Variants in MRPL54 observed in about 807,000 individuals in gnomAD.
MRPL54 encodes the protein large ribosomal subunit protein mL54.
MRPL54 carries 12 observed loss-of-function variants against 15.6 expected under a neutral mutation model. The observed-to-expected ratio is 0.77, with a 90% CI of 0.49 to 1.24. The LOEUF (loss-of-function observed/expected upper bound fraction) is 1.24. Among genes scored for constraint, MRPL54 ranks in the 50% most tolerant of loss-of-function variants. MRPL54 has a pLI of 0.00. For missense variants in MRPL54, 178 were observed against 186.8 expected (o/e 0.95, Z 0.28); for synonymous variants, 91 against 75.7 (o/e 1.20, Z -1.05).
chr19:3,764,796 A>C (rs2037181909), intron 1 of MRPL54, among the ~76,000 whole-genome samples: 1 of 151,684 alleles, frequency 6.6e-6, no homozygotes, highest in Non-Finnish European at 1.5e-5. Context: ...TGGGAGGCCA[A>C]GGTGGGCAGA....
At chr19:3,765,768 C>T (rs1339218850) in intron 2 of MRPL54, among the ~76,000 whole-genome samples, 4 of 151,556 alleles carry the variant, frequency 2.6e-5, no homozygotes, top group Non-Finnish European at 5.9e-5. Context: ...TGTGGTGGCA[C>T]ATTCCTGTAG....
intron 1 of MRPL54, among the ~76,000 whole-genome samples, chr19:3,764,057 C>T (rs1189558949): frequency 6.6e-6 from 1 of 152,070 alleles, no homozygotes; most frequent in Non-Finnish European, 1.5e-5. Flanking sequence ...TGTGCCCCTG[C>T]CCTCCAGCCT....
intron 2 of MRPL54, among the ~76,000 whole-genome samples, chr19:3,766,989 G>C (rs2037204082): frequency 6.6e-6 from 1 of 152,170 alleles, no homozygotes; most frequent in Non-Finnish European, 1.5e-5. Context: ...TGAGCAAGTG[G>C]GGGCAGGTGG....
In MRPL54 at chr19:3,765,334, G is replaced by C; in HGVS notation, c.284+3G>C. ...CCGGATGCTGAGTACCCTGAATGGT[G>C]AGTAGGCCAGGCTGTGTCATCCTGC... On this transcript the variant is annotated splice_donor_region_variant and intron_variant, in intron 2 of 2. Coordinates refer to ENST00000330133, the MANE Select transcript of MRPL54 (RefSeq NM_172251.3). The C allele has an allele frequency of 6.2e-7, 1 of 1,613,164 alleles. No homozygotes were observed. Among genetic ancestry groups the C allele is most frequent in the South Asian group, 1.1e-5 (1 of 90,958 alleles).
chr19:3,762,850 C>T (rs755874064), intron 1 of MRPL54, 32 bp downstream of exon 1: 43 of 1,492,846 alleles, frequency 2.9e-5, no homozygotes, highest in Non-Finnish European at 3.4e-5. Context: ...CAAATGGGGA[C>T]GGTGGGTGCA....
chr19:3,765,624 C>CGCCGT (rs992759124), intron 2 of MRPL54, among the ~76,000 whole-genome samples: 7 of 152,050 alleles, frequency 4.6e-5, no homozygotes, highest in Non-Finnish European at 8.8e-5. Flanking sequence ...TCAGGCTGGG[C>CGCCGT]GCCGTGGCTC....
At chr19:3,764,718 G>A (rs1206815313) in intron 1 of MRPL54, among the ~76,000 whole-genome samples, 1 of 150,560 alleles carries the variant, frequency 6.6e-6, no homozygotes, top group Non-Finnish European at 1.5e-5. Flanking sequence ...GCCTGGCTGA[G>A]ACCCTGTCTT....
intron 2 of MRPL54, among the ~76,000 whole-genome samples, chr19:3,766,518 A>G (rs2037199579): frequency 6.6e-6 from 1 of 152,220 alleles, no homozygotes; most frequent in African/African-American, 2.4e-5. Flanking sequence ...CCGTCCTGCA[A>G]ATACTTATTG....
At chr19:3,766,746 A>G (rs2037201638) in intron 2 of MRPL54, among the ~76,000 whole-genome samples, 1 of 152,200 alleles carries the variant, frequency 6.6e-6, no homozygotes, top group Admixed American at 6.5e-5. Context: ...GGGACACAGA[A>G]GCCAAGACGG....
In MRPL54 at chr19:3,766,110, CTT is replaced by C. The variant is rs2037196327; in HGVS notation, c.284+780_284+781del. Among the ~76,000 whole-genome samples the C allele has an allele frequency of 2.0e-5, 3 of 147,170 alleles. No homozygotes were observed. In the South Asian group the frequency reaches 6.5e-4, roughly 32 times the overall value. On this transcript the variant is annotated intron_variant, in intron 2 of 2. Coordinates refer to ENST00000330133, the MANE Select transcript of MRPL54 (RefSeq NM_172251.3). ...TTTTTTTTTGAGATGGAGTTTTGCT[CTT>C]GTCGCCCAGGCTGGAGTGCAGTGGT...
At chr19:3,765,928 T>G (rs1363110321) in intron 2 of MRPL54, among the ~76,000 whole-genome samples, 1 of 150,940 alleles carries the variant, frequency 6.6e-6, no homozygotes, top group Non-Finnish European at 1.5e-5. Context: ...TTTTTTTTCT[T>G]CTATATGGAG....
intron 1 of MRPL54, 76 bp downstream of exon 1, chr19:3,762,894 G>T (rs758958087): frequency 8.0e-6 from 10 of 1,255,160 alleles, no homozygotes; most frequent in Non-Finnish European, 1.1e-5. Context: ...CGGTGGTTGG[G>T]GAGGTGGTGC....
Position 3,767,334 on chromosome 19 carries a change from C to T in MRPL54, c.358C>T (p.Arg120Trp), listed in dbSNP as rs199621796. The change falls in exon 3 of 3, where the codon CGG becomes TGG. Residue 120 changes from arginine to tryptophan, a missense_variant. Arg to Trp is a moderately radical substitution (Grantham distance 101). Transcript: ENST00000330133. Reference sequence around the variant, plus strand: ...CCCCGAGAGCCGGGAGTACTGGCGGCGGCTGCGGAAACAGAACATCTGGCG... The same window carrying T: ...CCCCGAGAGCCGGGAGTACTGGCGGTGGCTGCGGAAACAGAACATCTGGCG... ...LDPESREYWR[R>W]LRKQNIWRHN... is the part of the protein sequence containing the mutation. 27 of 1,610,226 alleles carry T rather than the reference C, an allele frequency of 1.7e-5. No individual in the cohort carries two copies. Among genetic ancestry groups the T allele is most frequent in the Middle Eastern group, 1.6e-4 (1 of 6,064 alleles).
chr19:3,764,736 A>C (rs1215717087), intron 1 of MRPL54, among the ~76,000 whole-genome samples: 1 of 150,268 alleles, frequency 6.7e-6, no homozygotes, highest in African/African-American at 2.4e-5. Context: ...CTTTAAAAAA[A>C]AGTTTTGAGT....
intron 1 of MRPL54, among the ~76,000 whole-genome samples, chr19:3,764,473 T>A (rs2037179086): frequency 6.6e-6 from 1 of 151,400 alleles, no homozygotes; most frequent in Non-Finnish European, 1.5e-5. Context: ...AGCGATGCGA[T>A]CTCAGCTCAC....
In MRPL54 at chr19:3,762,749, G is replaced by A. The variant is rs2037161897; in HGVS notation, c.49G>A (p.Gly17Arg). The A allele has an allele frequency of 1.9e-6, 3 of 1,610,852 alleles. No individual in the cohort carries two copies. Among genetic ancestry groups the A allele is most frequent in the Admixed American group, 1.7e-5 (1 of 59,836 alleles). Residue 17 changes from glycine (G) to arginine (R), a missense_variant, in exon 1 of 3, where the codon GGG (glycine) becomes AGG (arginine). Physicochemically the swap from Gly to Arg is moderately radical, Grantham distance 125. Transcript: ENST00000330133. ...GGCTACCCGGACGTGGGCCGGCTGGGGGGCCTGGGAGCTCCTAAACCCCGC... is the reference window on the plus strand; with the variant it reads ...GGCTACCCGGACGTGGGCCGGCTGGAGGGCCTGGGAGCTCCTAAACCCCGC... The part of the protein sequence containing the change: ...FGATRTWAGW[G>R]AWELLNPATS...
At chr19:3,763,574 T>G (rs1173943888) in intron 1 of MRPL54, among the ~76,000 whole-genome samples, 1 of 150,266 alleles carries the variant, frequency 6.7e-6, no homozygotes, top group African/African-American at 2.5e-5. Context: ...AACCCAGGAG[T>G]TCGAGACCAG....
chr19:3,764,174 C>T (rs1328224545), intron 1 of MRPL54, among the ~76,000 whole-genome samples: 1 of 151,904 alleles, frequency 6.6e-6, no homozygotes, highest in Non-Finnish European at 1.5e-5. Flanking sequence ...GCTCCGCCTC[C>T]TGGGTTCACG....
intron 1 of MRPL54, among the ~76,000 whole-genome samples, chr19:3,764,866 A>AT (rs1358865573): frequency 3.3e-5 from 5 of 151,880 alleles, no homozygotes. Flanking sequence ...GTCTCTACTA[A>AT]AAATACAAAA....
Sources: allele counts gnomAD v4.1 joint callset (sites outside exome capture counted in the v4.1 genomes callset), GRCh38; gene constraint gnomAD v4.1.1; transcripts MANE v1.5; gene names NCBI Gene and HGNC (gene_info 2026-07-23, HGNC 2026-07-21).